The following WDR7 variants were observed in gnomAD, a reference collection of about 807,000 sequenced individuals.
WDR7 encodes the protein WD repeat domain 7.
Under a neutral mutation model 169.4 loss-of-function variants are expected in WDR7, and 46 were observed. The ratio of observed to expected loss-of-function variants is 0.27; its 90% CI spans 0.21 to 0.35. The LOEUF (loss-of-function observed/expected upper bound fraction) is 0.35. Ranked by LOEUF, WDR7 falls within the 10% of genes least tolerant of loss-of-function variation. WDR7 has a pLI of 1.00. For missense variants in WDR7, 1,534 were observed against 1,859.3 expected, an observed-to-expected ratio of 0.83 and a Z score of 3.22; for synonymous variants, 612 against 666.8, an observed-to-expected ratio of 0.92 and a Z score of 1.27.
Position 56,938,917 on chromosome 18 carries a change from G to A in WDR7, c.3981+235G>A, listed in dbSNP as rs970768313. Among the ~76,000 whole-genome samples the A allele has an allele frequency of 9.3e-5, 14 of 150,710 alleles. 1 individual carries two copies. Among genetic ancestry groups the A allele is most frequent in the South Asian group, 8.5e-4 (4 of 4,730 alleles). On this transcript the variant is annotated intron_variant, in intron 24 of 27. Coordinates refer to ENST00000254442, the MANE Select transcript of WDR7 (RefSeq NM_015285.3). ...TTTAAATTTCCTCAAAAATCAAAAC[G>A]ATTTTCAAGTTCATTCACCATTCAC...
chr18:56,754,572 G>C (rs542500250), intron 14 of WDR7, among the ~76,000 whole-genome samples: 1 of 152,028 alleles, frequency 6.6e-6, no homozygotes, highest in African/African-American at 2.4e-5. Context: ...GTGTGGATGA[G>C]TGTATAGTTT....
rs774628211 is a variant in WDR7 at position 56,756,684 on chromosome 18, G to A, written c.2091G>A (p.Ala697=). 47 of 1,613,980 alleles carry A rather than the reference G, an allele frequency of 2.9e-5. No homozygotes were observed. Among genetic ancestry groups the A allele is most frequent in the Middle Eastern group, 1.6e-4 (1 of 6,084 alleles). Residue 697 remains alanine, a synonymous_variant, in exon 15 of 28, where the codon GCG becomes GCA. Coordinates refer to ENST00000254442, the MANE Select transcript of WDR7 (RefSeq NM_015285.3). ...DIHVLFFDVE[A]LIIQLLTEEA... is the part of the protein sequence containing the mutation. ...ATGTGCTATTCTTTGATGTGGAAGC[G>A]TTGATTATTCAACTCCTGACTGAAG...
chr18:56,968,439 A>C (rs946010724), intron 26 of WDR7, among the ~76,000 whole-genome samples: 1 of 152,228 alleles, frequency 6.6e-6, no homozygotes, highest in Non-Finnish European at 1.5e-5. Flanking sequence ...ATGTCATCAA[A>C]TTGTTGTTTC....
At chr18:56,771,071 A>T (rs1034463814) in intron 16 of WDR7, among the ~76,000 whole-genome samples, 2 of 152,218 alleles carry the variant, frequency 1.3e-5, no homozygotes, top group African/African-American at 4.8e-5. Context: ...AATTATGTCC[A>T]TATTGCCCAA....
intron 14 of WDR7, among the ~76,000 whole-genome samples, chr18:56,737,634 G>A (rs144718356): frequency 6.6e-6 from 1 of 152,082 alleles, no homozygotes; most frequent in Non-Finnish European, 1.5e-5. Flanking sequence ...TCTGTGTAAC[G>A]AGGCAAGAGA....
chr18:56,981,294 G>A (rs140966091), intron 26 of WDR7, among the ~76,000 whole-genome samples: 1 of 152,234 alleles, frequency 6.6e-6, no homozygotes, highest in East Asian at 1.9e-4. Flanking sequence ...ATAAAGAGTA[G>A]AAGAAAATTA....
chr18:56,830,040 G>A (rs1273695245), intron 20 of WDR7, among the ~76,000 whole-genome samples: 1 of 152,152 alleles, frequency 6.6e-6, no homozygotes, highest in Admixed American at 6.5e-5. Flanking sequence ...GCTCTAAATT[G>A]GTTAGTGTAC....
At chr18:56,959,811 G>A (rs990362199) in intron 25 of WDR7, among the ~76,000 whole-genome samples, 1 of 152,118 alleles carries the variant, frequency 6.6e-6, no homozygotes, top group African/African-American at 2.4e-5. Context: ...TTGCTCCTTC[G>A]TCTTGACAGA....
intron 26 of WDR7, chr18:57,009,893 CT>C (rs752664043): frequency 1.4e-4 from 142 of 985,390 alleles, no homozygotes; most frequent in Non-Finnish European, 1.6e-4. Flanking sequence ...TGTGAAGATC[CT>C]GACCTACTGC....
At chr18:56,768,236 G>A (rs1018739401) in intron 16 of WDR7, among the ~76,000 whole-genome samples, 4 of 152,122 alleles carry the variant, frequency 2.6e-5, no homozygotes, top group African/African-American at 7.2e-5. Flanking sequence ...CAGTGAAGGC[G>A]GCTTTGAAAA....
At chr18:56,900,111 A>ATATATATAT (rs1555707547) in intron 21 of WDR7, among the ~76,000 whole-genome samples, 14 of 137,750 alleles carry the variant, frequency 1.0e-4, no homozygotes, top group Non-Finnish European at 2.0e-4. Flanking sequence ...TATATATATA[A>ATATATATAT]AATTGTTAAT....
intron 1 of WDR7, among the ~76,000 whole-genome samples, chr18:56,659,634 G>T (rs577404913): frequency 6.6e-6 from 1 of 152,332 alleles, no homozygotes; most frequent in African/African-American, 2.4e-5. Flanking sequence ...GAGGGCAAAG[G>T]AGTGTGCCAG....
intron 21 of WDR7, among the ~76,000 whole-genome samples, chr18:56,890,055 A>C (rs1388443687): frequency 1.3e-5 from 2 of 152,180 alleles, no homozygotes; most frequent in Admixed American, 6.5e-5. Flanking sequence ...TAGGAAAAGG[A>C]TGCACAGATT....
Position 56,756,986 on chromosome 18 carries a change from A to G in WDR7, c.2393A>G (p.Asp798Gly). 6.2e-7 allele frequency: 1 copy of G among 1,614,158 alleles called. No individual in the cohort carries two copies. The highest frequency in any genetic ancestry group is 8.5e-7 in the Non-Finnish European group (1 of 1,180,032). The change falls in exon 15 of 28, where the codon GAC (aspartate) becomes GGC (glycine). Residue 798 changes from aspartate to glycine, a missense_variant. Coordinates refer to ENST00000254442, the MANE Select transcript of WDR7 (RefSeq NM_015285.3). Reference sequence around the variant, plus strand: ...CTATTAGAATATAATTTAACTATGGACACTGCAAAGCTGTTTATGTCCTGC... The same window carrying G: ...CTATTAGAATATAATTTAACTATGGGCACTGCAAAGCTGTTTATGTCCTGC... ...LTLLEYNLTM[D>G]TAKLFMSCLH... is the part of the protein sequence containing the mutation.
At chr18:56,811,778 A>G (rs1022439906) in intron 19 of WDR7, among the ~76,000 whole-genome samples, 1 of 152,108 alleles carries the variant, frequency 6.6e-6, no homozygotes, top group Admixed American at 6.6e-5. Flanking sequence ...GTCTAAAATC[A>G]TTTTGGCAGA....
At chr18:56,953,963 G>T (rs1453260326) in intron 25 of WDR7, among the ~76,000 whole-genome samples, 2 of 152,116 alleles carry the variant, frequency 1.3e-5, no homozygotes, top group African/African-American at 2.4e-5. Context: ...CATATTTCAT[G>T]GCAAAGAATG....
chr18:56,967,126 G>C (rs563258280), intron 26 of WDR7, among the ~76,000 whole-genome samples: 111 of 152,286 alleles, frequency 7.3e-4, no homozygotes, highest in Non-Finnish European at 1.1e-3. Flanking sequence ...TGAAACTGGA[G>C]ACATCTAGGC....
Position 57,015,925 on chromosome 18 carries a change from G to C in WDR7, c.4165-4820G>C, listed in dbSNP as rs553332137. 3.3e-5 allele frequency among the ~76,000 whole-genome samples: 5 copies of C among 152,284 alleles called. No homozygotes were observed. The East Asian group carries it at 5.8e-4, about 18-fold the overall frequency. The stretch of plus-strand genomic sequence containing the variant: ...TATTTTTTGACTCCATACACACACA[G>C]ACACTTCATTCAGGCTCACCCTAAA... On this transcript the variant is annotated intron_variant, in intron 26 of 27. Transcript: ENST00000254442.
rs934776802 is a variant in WDR7, at chr18:56,814,889, T to C, written c.3191-1142T>C. ...TTCTTTAGCATTATTATTATTATTATTTAAAGCAACTCTGAATAAGTAGTG... is the reference window on the plus strand; with the variant it reads ...TTCTTTAGCATTATTATTATTATTACTTAAAGCAACTCTGAATAAGTAGTG... On this transcript the variant is annotated intron_variant, in intron 19 of 27. Transcript: ENST00000254442. Among the ~76,000 whole-genome samples the C allele has an allele frequency of 2.6e-5, 4 of 152,154 alleles. 1 individual carries two copies. Among genetic ancestry groups the C allele is most frequent in the Admixed American group, 2.6e-4 (4 of 15,266 alleles).
Sources: gnomAD v4.1 joint callset for allele counts (sites outside exome capture counted in the v4.1 genomes callset) on GRCh38, gnomAD v4.1.1 for gene constraint, MANE v1.5 for transcripts, NCBI Gene and HGNC (gene_info 2026-07-23, HGNC 2026-07-21) for gene names.